Variants in FAM114A1 observed in about 807,000 individuals in gnomAD.
FAM114A1 encodes the protein family with sequence similarity 114 member A1.
A neutral mutation model predicts 64.3 loss-of-function variants in FAM114A1; 62 were observed. The ratio of observed to expected loss-of-function variants is 0.96; its 90% CI spans 0.79 to 1.19. FAM114A1 has a LOEUF of 1.19. Among genes scored for constraint, FAM114A1 ranks in the 50% most tolerant of loss-of-function variants. The pLI, the probability that FAM114A1 is intolerant of heterozygous loss-of-function variation, is 0.00. For synonymous variants in FAM114A1, 254 were observed against 251.1 expected (o/e 1.01, Z -0.11); for missense variants, 645 against 676.3 (o/e 0.95, Z 0.51).
At chr4:38,888,831 C>G (rs1716062547) in intron 3 of FAM114A1, among the ~76,000 whole-genome samples, 3 of 152,206 alleles carry the variant, frequency 2.0e-5, no homozygotes, top group Non-Finnish European at 4.4e-5. Flanking sequence ...TGAGCAGCTC[C>G]ATGCTGCCTG....
chr4:38,874,860 A>T (rs1293311421), intron 2 of FAM114A1, among the ~76,000 whole-genome samples: 1 of 152,200 alleles, frequency 6.6e-6, no homozygotes, highest in African/African-American at 2.4e-5. Flanking sequence ...ATATGGTATA[A>T]GGAAGGGGAA....
At chr4:38,890,664 A>G (rs2109602527) in intron 3 of FAM114A1, among the ~76,000 whole-genome samples, 1 of 152,260 alleles carries the variant, frequency 6.6e-6, no homozygotes, top group Admixed American at 6.5e-5. Flanking sequence ...ATAGAAAGAG[A>G]AAGCTGTGGT....
intron 3 of FAM114A1, among the ~76,000 whole-genome samples, chr4:38,880,437 T>C (rs1194771635): frequency 6.6e-6 from 1 of 152,204 alleles, no homozygotes; most frequent in African/African-American, 2.4e-5. Flanking sequence ...TTCTTTTGGC[T>C]ACTAGGACAC....
At chr4:38,916,745 C>T (rs910798804) in intron 8 of FAM114A1, among the ~76,000 whole-genome samples, 4 of 152,128 alleles carry the variant, frequency 2.6e-5, no homozygotes, top group African/African-American at 7.2e-5. Flanking sequence ...CACCATGGCA[C>T]GTGTATACCT....
At chr4:38,882,629 C>CA (rs1486491416) in intron 3 of FAM114A1, among the ~76,000 whole-genome samples, 31 of 146,254 alleles carry the variant, frequency 2.1e-4, no homozygotes, top group East Asian at 4.0e-4. Context: ...AACTCCATCT[C>CA]AAAAAAAAAA....
chr4:38,868,115 G>A (rs1713634247), intron 1 of FAM114A1: 2 of 270,096 alleles, frequency 7.4e-6, no homozygotes, highest in South Asian at 3.3e-5. Flanking sequence ...ACACCCACAC[G>A]CCCACACTCA....
At chr4:38,908,313 A>C (rs1455632089) in intron 6 of FAM114A1, among the ~76,000 whole-genome samples, 1 of 152,182 alleles carries the variant, frequency 6.6e-6, no homozygotes, top group Non-Finnish European at 1.5e-5. Flanking sequence ...GAGCCAGTAA[A>C]ATTAATCCCT....
At chr4:38,937,689 G>A (rs1371239087) in intron 13 of FAM114A1, among the ~76,000 whole-genome samples, 1 of 152,090 alleles carries the variant, frequency 6.6e-6, no homozygotes. Flanking sequence ...GAAAGGCACT[G>A]GGGGAAATGA....
intron 7 of FAM114A1, 75 bp downstream of exon 7, chr4:38,908,801 A>C: frequency 7.4e-7 from 1 of 1,359,002 alleles, no homozygotes; most frequent in South Asian, 1.7e-5. Flanking sequence ...CTTTTTGAAT[A>C]GCTCATTTAA....
rs184084531 is a variant in FAM114A1, at chr4:38,898,257, C to T, written c.436+6427C>T. Among the ~76,000 whole-genome samples the T allele has an allele frequency of 3.1e-3, 475 of 152,236 alleles. 4 individuals carry two copies. The highest frequency in any genetic ancestry group is 0.011 in the African/African-American group (445 of 41,526). Reference sequence around the variant, plus strand: ...ACCTGAGGTTGGGGGTTGGTGTGTACGGAATGTACCTGATATGTATATTTA... The same window carrying T: ...ACCTGAGGTTGGGGGTTGGTGTGTATGGAATGTACCTGATATGTATATTTA... On this transcript the variant is annotated intron_variant, in intron 4 of 14. Coordinates refer to ENST00000358869, the MANE Select transcript of FAM114A1 (RefSeq NM_138389.4).
intron 4 of FAM114A1, among the ~76,000 whole-genome samples, chr4:38,901,171 T>C (rs1163546424): frequency 6.6e-6 from 1 of 152,208 alleles, no homozygotes; most frequent in South Asian, 2.1e-4. Flanking sequence ...CTTTAGCATA[T>C]GGGACCAATA....
At chr4:38,868,029 C>T (rs745846018) in intron 1 of FAM114A1, 195 bp downstream of exon 1, 5 of 424,214 alleles carry the variant, frequency 1.2e-5, no homozygotes, top group Admixed American at 4.8e-5. Flanking sequence ...GCGGCGCGGC[C>T]GAGGGACCTG....
intron 8 of FAM114A1, among the ~76,000 whole-genome samples, chr4:38,917,747 G>A (rs1408434065): frequency 6.6e-6 from 1 of 152,160 alleles, no homozygotes; most frequent in Non-Finnish European, 1.5e-5. Context: ...CTGGAAAAGA[G>A]CCCCCAAGGA....
At chr4:38,901,062 G>A (rs1002062654) in intron 4 of FAM114A1, among the ~76,000 whole-genome samples, 22 of 152,096 alleles carry the variant, frequency 1.4e-4, no homozygotes, top group Admixed American at 1.3e-3. Flanking sequence ...AAAAGAGAAA[G>A]TTAAAATAAG....
chr4:38,906,838 T>G (rs1718056783), intron 6 of FAM114A1, among the ~76,000 whole-genome samples: 1 of 152,212 alleles, frequency 6.6e-6, no homozygotes, highest in South Asian at 2.1e-4. Context: ...TCTTACTATG[T>G]AAACTAACTA....
In FAM114A1 at chr4:38,908,686, G is replaced by A. The variant is rs139961901; in HGVS notation, c.752G>A (p.Arg251Gln). Reference sequence around the variant, plus strand: ...GCAGAAAGTGACCCGGGCTTTAAGCGGACCAAGACGCTCATGGAGAGAACT... The same window carrying A: ...GCAGAAAGTGACCCGGGCTTTAAGCAGACCAAGACGCTCATGGAGAGAACT... Reference protein sequence around the residue: ...VLAESDPGFKRTKTLMERTVS... With the variant: ...VLAESDPGFKQTKTLMERTVS... Residue 251 changes from arginine (R) to glutamine (Q), a missense_variant, in exon 7 of 15, where the codon CGG (arginine) becomes CAG (glutamine). Coordinates refer to ENST00000358869, the MANE Select transcript of FAM114A1 (RefSeq NM_138389.4). 1.8e-5 allele frequency: 29 copies of A among 1,612,518 alleles called. No individual in the cohort carries two copies. Among genetic ancestry groups the A allele is most frequent in the Middle Eastern group, 3.3e-4 (2 of 6,078 alleles).
chr4:38,920,317 A>C (rs1452187988), intron 8 of FAM114A1, among the ~76,000 whole-genome samples: 1 of 152,210 alleles, frequency 6.6e-6, no homozygotes, highest in African/African-American at 2.4e-5. Context: ...TTTCAAGGAA[A>C]AGATTTATAA....
Position 38,931,559 on chromosome 4 carries a change from T to A in FAM114A1, c.1270T>A (p.Ser424Thr). ...AAAGAAGGAAGAAAAGGAAGAGAAA[T>A]CTCAAGACCCTCAAGAAGACAAAAA... is the stretch of plus-strand genomic sequence containing the variant. ...ETKKEEKEEK[S>T]QDPQEDKKEE... is the part of the protein sequence containing the mutation. Residue 424 changes from serine (S) to threonine (T), a missense_variant, in exon 11 of 15, where the codon TCT becomes ACT. Transcript: ENST00000358869. 1.2e-6 allele frequency: 2 copies of A among 1,613,638 alleles called. No homozygotes were observed. Among genetic ancestry groups the A allele is most frequent in the Non-Finnish European group, 1.7e-6 (2 of 1,179,894 alleles).
intron 3 of FAM114A1, among the ~76,000 whole-genome samples, chr4:38,885,325 G>GA (rs1249889374): frequency 6.6e-6 from 1 of 152,116 alleles, no homozygotes; most frequent in African/African-American, 2.4e-5. Context: ...GCCCAGGCTG[G>GA]AGTGAAGTAG....
Sources: allele counts gnomAD v4.1 joint callset (sites outside exome capture counted in the v4.1 genomes callset), GRCh38; gene constraint gnomAD v4.1.1; transcripts MANE v1.5; gene names NCBI Gene and HGNC (gene_info 2026-07-23, HGNC 2026-07-21).